The following EML1 variants were observed in gnomAD, a reference collection of about 807,000 sequenced individuals.
EML1 encodes the protein EMAP like 1.
In EML1, 27 loss-of-function variants were observed where a neutral mutation model predicts 110.4. The ratio of observed to expected loss-of-function variants is 0.24; its 90% CI spans 0.18 to 0.34. The LOEUF (loss-of-function observed/expected upper bound fraction) is 0.34, where lower values mean the gene tolerates loss of function less well. Ranked by LOEUF, EML1 falls within the 10% of genes least tolerant of loss-of-function variation. The pLI is 1.00. For synonymous variants in EML1, 344 were observed against 385.8 expected, an observed-to-expected ratio of 0.89 and a Z score of 1.27; for missense variants, 741 against 1,030.9, an observed-to-expected ratio of 0.72 and a Z score of 3.85.
chr14:99,886,018 C>A, intron 4 of EML1: 1 of 364,752 alleles, frequency 2.7e-6, no homozygotes, highest in South Asian at 2.1e-5. Flanking sequence ...CGCTTTTGTC[C>A]CAAATAAAGT....
At chr14:99,859,054 G>C (rs573412535) in intron 2 of EML1, among the ~76,000 whole-genome samples, 3 of 152,122 alleles carry the variant, frequency 2.0e-5, no homozygotes, top group African/African-American at 4.8e-5. Flanking sequence ...AGCTTTACTA[G>C]AACTTCTAGA....
intron 1 of EML1, among the ~76,000 whole-genome samples, chr14:99,782,289 C>A (rs949610916): frequency 1.3e-5 from 2 of 152,188 alleles, no homozygotes; most frequent in Non-Finnish European, 2.9e-5. Flanking sequence ...GTTGTGACCT[C>A]AGGCCAGGCC....
chr14:99,904,550 T>C (rs1429710528), intron 9 of EML1, among the ~76,000 whole-genome samples: 1 of 83,676 alleles, frequency 1.2e-5, no homozygotes, highest in Admixed American at 1.1e-4. Flanking sequence ...TTTAAGCTTA[T>C]TATTATTATT....
Position 99,907,676 on chromosome 14 carries a change from C to A in EML1, c.1047C>A (p.Asn349Lys), listed in dbSNP as rs141653535. Residue 349 changes from asparagine to lysine, a missense_variant, in exon 10 of 22, where the codon AAC becomes AAA. Coordinates refer to ENST00000262233, the MANE Select transcript of EML1 (RefSeq NM_004434.3). The part of the protein sequence containing the change: ...GTNLCAVDDS[N>K]DHVLSVWDWQ... ...ATCTCTGTGCTGTGGATGACTCCAA[C>A]GACCATGTGCTCTCTGTATGGGACT... 2 of 1,614,060 alleles carry A rather than the reference C, an allele frequency of 1.2e-6. No individual in the cohort carries two copies. The highest frequency in any genetic ancestry group is 1.3e-5 in the African/African-American group (1 of 74,920).
chr14:99,881,974 T>C (rs1191112), intron 4 of EML1, among the ~76,000 whole-genome samples: 95,629 of 152,072 alleles, frequency 0.63, 30,799 homozygotes, highest in East Asian at 0.87. Context: ...TCACTGGATT[T>C]GAGTCTTTCT....
chr14:99,769,867 T>C (rs10873511), upstream of EML1, among the ~76,000 whole-genome samples: 144,595 of 152,252 alleles, frequency 0.95, 68,862 homozygotes, highest in East Asian at 1. Context: ...CCTCCTTTTC[T>C]TGGGAATAGA....
At chr14:99,893,576 T>C (rs2059623960) in intron 5 of EML1, among the ~76,000 whole-genome samples, 2 of 152,240 alleles carry the variant, frequency 1.3e-5, no homozygotes, top group Non-Finnish European at 2.9e-5. Flanking sequence ...TAAGTAATAC[T>C]GCATGTGGCA....
At chr14:99,914,023 A>G (rs1330722287) in intron 13 of EML1, among the ~76,000 whole-genome samples, 156 bp from the exon 14 acceptor site, 1 of 152,150 alleles carries the variant, frequency 6.6e-6, no homozygotes, top group African/African-American at 2.4e-5. Flanking sequence ...CTCCATATAT[A>G]TGTATATACA....
intron 2 of EML1, among the ~76,000 whole-genome samples, chr14:99,858,356 T>C (rs1051133594): frequency 5.3e-5 from 8 of 152,160 alleles, no homozygotes; most frequent in African/African-American, 1.7e-4. Flanking sequence ...AGCTAATTTT[T>C]GTATTTTTAG....
chr14:99,831,608 C>T (rs182956364), intron 1 of EML1, among the ~76,000 whole-genome samples: 1 of 152,096 alleles, frequency 6.6e-6, no homozygotes, highest in Admixed American at 6.5e-5. Flanking sequence ...TGGAATACAA[C>T]TATTTTCTCT....
chr14:99,873,400 G>A (rs1242793976), intron 3 of EML1, among the ~76,000 whole-genome samples: 1 of 152,198 alleles, frequency 6.6e-6, no homozygotes, highest in Non-Finnish European at 1.5e-5. Context: ...TGGGTACATA[G>A]CGTGATTTGA....
intron 1 of EML1, among the ~76,000 whole-genome samples, chr14:99,803,512 A>G (rs914491514): frequency 3.3e-5 from 5 of 152,344 alleles, no homozygotes; most frequent in African/African-American, 1.2e-4. Context: ...ACCCAGAAAC[A>G]TATGAATGCA....
intron 1 of EML1, among the ~76,000 whole-genome samples, chr14:99,799,120 G>T (rs1039145754): frequency 2.0e-5 from 3 of 152,156 alleles, no homozygotes; most frequent in African/African-American, 7.2e-5. Flanking sequence ...TCTCCTGCAG[G>T]TGCTACTTGT....
intron 7 of EML1, 56 bp downstream of exon 7, chr14:99,897,350 C>T (rs1021942227): frequency 5.8e-5 from 88 of 1,519,942 alleles, no homozygotes; most frequent in Non-Finnish European, 7.4e-5. Flanking sequence ...AGGAGGATCG[C>T]TTGAGGCCAG....
At chr14:99,904,666 C>G (rs8013762) in intron 9 of EML1, among the ~76,000 whole-genome samples, 43,410 of 152,030 alleles carry the variant, frequency 0.29, 7,549 homozygotes, top group African/African-American at 0.47. Flanking sequence ...GGAATTGAAC[C>G]CTGATCCCAG....
chr14:99,924,966 T>A (rs2060207443), intron 17 of EML1, among the ~76,000 whole-genome samples: 1 of 152,226 alleles, frequency 6.6e-6, no homozygotes. Flanking sequence ...CCCTTTTACA[T>A]GTGTTTGCTA....
chr14:99,918,815 TA>T (rs1373669521), intron 16 of EML1, among the ~76,000 whole-genome samples: 1 of 152,074 alleles, frequency 6.6e-6, no homozygotes, highest in African/African-American at 2.4e-5. Flanking sequence ...ACCCCATCTC[TA>T]AAAAAAATTA....
At chr14:99,901,200 G>A (rs188224960) in intron 9 of EML1, among the ~76,000 whole-genome samples, 161 bp downstream of exon 9, 1 of 152,254 alleles carries the variant, frequency 6.6e-6, no homozygotes, top group East Asian at 1.9e-4. Flanking sequence ...TCAGTCAGAG[G>A]TCATATGCAT....
chr14:99,793,181 C>T (rs2057699573), upstream of EML1, among the ~76,000 whole-genome samples: 1 of 147,262 alleles, frequency 6.8e-6, no homozygotes, highest in African/African-American at 2.4e-5. Flanking sequence ...CCGCGCTCCC[C>T]GCGGGGAAAG....
Sources: allele counts gnomAD v4.1 joint callset (sites outside exome capture counted in the v4.1 genomes callset), GRCh38; gene constraint gnomAD v4.1.1; transcripts MANE v1.5; gene names NCBI Gene and HGNC (gene_info 2026-07-23, HGNC 2026-07-21).